SYNDIG1: variants seen among roughly 807,000 people sequenced by gnomAD.
SYNDIG1 encodes synapse differentiation inducing 1, also known as synapse differentiation-inducing gene protein 1.
Under a neutral mutation model 19.4 loss-of-function variants are expected in SYNDIG1, and 9 were observed. The ratio of observed to expected loss-of-function variants is 0.46; its 90% CI spans 0.28 to 0.81. The LOEUF is 0.81. SYNDIG1 is among the 30% of genes least tolerant of loss of function. SYNDIG1 has a pLI of 0.12. For synonymous variants in SYNDIG1, 141 were observed against 145.9 expected (o/e 0.97, Z 0.24); for missense variants, 311 against 343.3 (o/e 0.91, Z 0.74).
chr20:24,519,412 G>A (rs2056956181), intron 1 of SYNDIG1, among the ~76,000 whole-genome samples: 1 of 152,122 alleles, frequency 6.6e-6, no homozygotes, highest in Non-Finnish European at 1.5e-5. Flanking sequence ...AATGGCACAG[G>A]AAAAAGCAAG....
chr20:24,471,229 G>T (rs1393954726), intron 1 of SYNDIG1, among the ~76,000 whole-genome samples: 1 of 152,058 alleles, frequency 6.6e-6, no homozygotes, highest in Non-Finnish European at 1.5e-5. Flanking sequence ...GATCGGAAGT[G>T]GTCTTCAAAG....
chr20:24,570,738 T>C (rs989816240), intron 2 of SYNDIG1, among the ~76,000 whole-genome samples: 1 of 152,222 alleles, frequency 6.6e-6, no homozygotes, highest in African/African-American at 2.4e-5. Flanking sequence ...TGGAAAACAC[T>C]GTCAGTTTCA....
chr20:24,512,340 G>A (rs867398101), intron 1 of SYNDIG1, among the ~76,000 whole-genome samples: 54 of 151,050 alleles, frequency 3.6e-4, no homozygotes, highest in Non-Finnish European at 6.5e-4. Flanking sequence ...GCAGGGCGAG[G>A]CATTGCCTCG....
At chr20:24,543,753 G>A (rs1259284015) in intron 2 of SYNDIG1, among the ~76,000 whole-genome samples, 176 bp downstream of exon 2, 1 of 152,204 alleles carries the variant, frequency 6.6e-6, no homozygotes, top group Non-Finnish European at 1.5e-5. Flanking sequence ...GATAGAAGGA[G>A]AGGAAAGACT....
intron 1 of SYNDIG1, among the ~76,000 whole-genome samples, chr20:24,518,287 G>A (rs929597692): frequency 1.3e-5 from 2 of 152,052 alleles, no homozygotes; most frequent in Non-Finnish European, 2.9e-5. Flanking sequence ...GCAGGGGAGT[G>A]GCCGGCTCTG....
At position 24,486,279 on chromosome 20, in the gene SYNDIG1, C is replaced by T. The variant is rs141549194; in HGVS notation, c.-79+16526C>T. On this transcript the variant is annotated intron_variant, in intron 1 of 3. Coordinates refer to ENST00000376862, the MANE Select transcript of SYNDIG1 (RefSeq NM_024893.3). ...AGGGTGGGTGCTGGAGAGGTGGCAA[C>T]CCCCTTGCCTGGGCTGGGGAGCCAG... Among the ~76,000 whole-genome samples the T allele has an allele frequency of 5.3e-5, 8 of 152,318 alleles. No individual in the cohort carries two copies. The East Asian group carries it at 1.5e-3, about 29-fold the overall frequency.
intron 3 of SYNDIG1, among the ~76,000 whole-genome samples, chr20:24,638,659 T>A (rs776400545): frequency 2.6e-5 from 4 of 152,162 alleles, no homozygotes; most frequent in Non-Finnish European, 5.9e-5. Flanking sequence ...ACACTCAGCC[T>A]GGAATTTGTA....
At chr20:24,559,980 A>C (rs996431907) in intron 2 of SYNDIG1, among the ~76,000 whole-genome samples, 19 of 130,306 alleles carry the variant, frequency 1.5e-4, no homozygotes, top group African/African-American at 5.7e-4. Flanking sequence ...TGAATCTATA[A>C]CTTTTTTCTT....
chr20:24,561,629 G>T (rs1296421408), intron 2 of SYNDIG1, among the ~76,000 whole-genome samples: 1 of 152,190 alleles, frequency 6.6e-6, no homozygotes, highest in Non-Finnish European at 1.5e-5. Flanking sequence ...AACACATTTT[G>T]ATATATTGCT....
chr20:24,554,439 G>A (rs1431686633), intron 2 of SYNDIG1, among the ~76,000 whole-genome samples: 1 of 152,218 alleles, frequency 6.6e-6, no homozygotes, highest in African/African-American at 2.4e-5. Flanking sequence ...TTGGCTGTGG[G>A]TTGGACATAG....
At chr20:24,512,354 G>A (rs548909242) in intron 1 of SYNDIG1, among the ~76,000 whole-genome samples, 164 of 151,412 alleles carry the variant, frequency 1.1e-3, no homozygotes, top group African/African-American at 2.7e-3. Flanking sequence ...TGCCTCGCCC[G>A]GGAAGCACAG....
chr20:24,551,188 G>T (rs1296797714), intron 2 of SYNDIG1, among the ~76,000 whole-genome samples: 1 of 152,172 alleles, frequency 6.6e-6, no homozygotes, highest in East Asian at 1.9e-4. Flanking sequence ...TACTTTACTA[G>T]TTTAAGTCTC....
At chr20:24,611,533 G>T (rs1361474654) in intron 3 of SYNDIG1, among the ~76,000 whole-genome samples, 1 of 151,868 alleles carries the variant, frequency 6.6e-6, no homozygotes, top group Non-Finnish European at 1.5e-5. Context: ...TCCTCCCCAC[G>T]GGGTCTCGGG....
intron 2 of SYNDIG1, among the ~76,000 whole-genome samples, chr20:24,546,311 A>G (rs919152395): frequency 2.0e-5 from 3 of 152,208 alleles, no homozygotes; most frequent in African/African-American, 7.2e-5. Context: ...AGGGTCATGT[A>G]TTGGTTAGCA....
intron 2 of SYNDIG1, among the ~76,000 whole-genome samples, chr20:24,574,257 T>G (rs1483638207): frequency 6.6e-6 from 1 of 151,654 alleles, no homozygotes; most frequent in Non-Finnish European, 1.5e-5. Context: ...GTGGGCAGAT[T>G]GCCTGAGCTC....
chr20:24,571,090 C>T (rs1456671704), intron 2 of SYNDIG1, among the ~76,000 whole-genome samples: 3 of 152,088 alleles, frequency 2.0e-5, no homozygotes, highest in Non-Finnish European at 2.9e-5. Context: ...TAACAACCAA[C>T]AGCAGTGCAG....
chr20:24,636,950 T>A (rs2059322324), intron 3 of SYNDIG1, among the ~76,000 whole-genome samples: 1 of 152,232 alleles, frequency 6.6e-6, no homozygotes, highest in Non-Finnish European at 1.5e-5. Flanking sequence ...CAGTAGGAAA[T>A]CACAAGTTGC....
At chr20:24,562,697 A>G (rs2057969910) in intron 2 of SYNDIG1, among the ~76,000 whole-genome samples, 1 of 152,222 alleles carries the variant, frequency 6.6e-6, no homozygotes, top group African/African-American at 2.4e-5. Flanking sequence ...TGAGAAAAGA[A>G]AATCTTTTTA....
intron 3 of SYNDIG1, among the ~76,000 whole-genome samples, chr20:24,626,165 G>A (rs1334456064): frequency 1.2e-5 from 1 of 85,054 alleles, no homozygotes; most frequent in African/African-American, 3.8e-5. Flanking sequence ...GGCCGGGCAG[G>A]GGGCTGACCC....
Sources: gnomAD v4.1 joint callset for allele counts (sites outside exome capture counted in the v4.1 genomes callset) on GRCh38, gnomAD v4.1.1 for gene constraint, MANE v1.5 for transcripts, NCBI Gene and HGNC (gene_info 2026-07-23, HGNC 2026-07-21) for gene names.